Variants in PLEKHG5 observed in about 807,000 individuals in gnomAD.
The protein encoded by PLEKHG5 is pleckstrin homology and RhoGEF domain containing G5.
PLEKHG5 carries 52 observed loss-of-function variants against 103.8 expected under a neutral mutation model. The ratio of observed to expected loss-of-function variants is 0.50; its 90% CI spans 0.40 to 0.63. The LOEUF is 0.63. Among genes scored for constraint, PLEKHG5 ranks in the 30% least tolerant of loss-of-function variants. PLEKHG5 has a pLI of 0.00. For missense variants in PLEKHG5, 1,205 were observed against 1,347.6 expected (o/e 0.89, Z 1.66); for synonymous variants, 592 against 575.5 (o/e 1.03, Z -0.41).
At chr1:6,511,978 C>T (rs967368827) in intron 1 of PLEKHG5, among the ~76,000 whole-genome samples, 2 of 152,228 alleles carry the variant, frequency 1.3e-5, no homozygotes, top group Non-Finnish European at 2.9e-5. Context: ...GCCCCCTTTC[C>T]CTGGCTGTCC....
In PLEKHG5 at chr1:6,473,009, G is replaced by A. The variant is rs761456870; in HGVS notation, c.961C>T (p.Arg321Trp). 7.4e-6 allele frequency: 12 copies of A among 1,613,806 alleles called. No individual in the cohort carries two copies. Among genetic ancestry groups the A allele is most frequent in the Admixed American group, 1.7e-5 (1 of 59,996 alleles). The change falls in exon 9 of 21, where the codon CGG becomes TGG. Residue 321 changes from arginine to tryptophan, a missense_variant. Physicochemically the swap from Arg to Trp is moderately radical, Grantham distance 101. Coordinates refer to ENST00000377728, the MANE Select transcript of PLEKHG5 (RefSeq NM_020631.6). ...NACLRLEDSWRELIDGHEKLT... is the reference protein window; with the variant it reads ...NACLRLEDSWWELIDGHEKLT... Reference sequence around the variant, plus strand: ...ACCTCATGCCCATCAATGAGCTCCCGCCAGCTGTCCTCCAGCCTCAGGCAG... The same window carrying A: ...ACCTCATGCCCATCAATGAGCTCCCACCAGCTGTCCTCCAGCCTCAGGCAG...
chr1:6,474,609 T>A (rs768296648), intron 5 of PLEKHG5, 22 bp from the exon 6 acceptor site: 2 of 1,612,640 alleles, frequency 1.2e-6, no homozygotes, highest in East Asian at 4.5e-5. Context: ...ACAGGAGGCA[T>A]GTGTGTTAGA....
chr1:6,495,943 C>A (rs1189919317), upstream of PLEKHG5, among the ~76,000 whole-genome samples: 1 of 152,220 alleles, frequency 6.6e-6, no homozygotes, highest in Non-Finnish European at 1.5e-5. Context: ...CCTTCCTGCC[C>A]CCTTTATCCC....
rs746862312 is a variant in PLEKHG5 at position 6,472,999 on chromosome 1, A to G, written c.971T>C (p.Ile324Thr). The stretch of plus-strand genomic sequence containing the variant: ...GCCCGCACTCACCTCATGCCCATCA[A>G]TGAGCTCCCGCCAGCTGTCCTCCAG... The part of the protein sequence containing the change: ...LRLEDSWREL[I>T]DGHEKLTRRQ... The change falls in exon 9 of 21, where the codon ATT becomes ACT. Residue 324 changes from isoleucine to threonine, a missense_variant. Transcript: ENST00000377728. 8.1e-5 allele frequency: 130 copies of G among 1,613,852 alleles called. 1 individual carries two copies. Among genetic ancestry groups the G allele is most frequent in the Admixed American group, 3.8e-4 (23 of 60,006 alleles).
chr1:6,496,874 T>A (rs1307172772), upstream of PLEKHG5: 1 of 1,184,150 alleles, frequency 8.4e-7, no homozygotes, highest in Non-Finnish European at 1.1e-6. Flanking sequence ...TCAGTGACCT[T>A]TTGGGGCCCC....
At chr1:6,485,312 C>G (rs1021118691) in intron 1 of PLEKHG5, 1 of 1,399,866 alleles carries the variant, frequency 7.1e-7, no homozygotes, top group African/African-American at 1.5e-5. Context: ...CCGCCCCGTC[C>G]CGGCCCCGTA....
intron 1 of PLEKHG5, among the ~76,000 whole-genome samples, chr1:6,512,607 G>A (rs557711656): frequency 2.2e-4 from 33 of 152,310 alleles, no homozygotes; most frequent in African/African-American, 7.5e-4. Context: ...CTGCAGCCTG[G>A]GGCGGGCCGA....
rs1179926577 is a variant in PLEKHG5, at chr1:6,474,184, G to A, written c.440-20C>T. On this transcript the variant is annotated intron_variant, in intron 6 of 20. Coordinates refer to ENST00000377728, the MANE Select transcript of PLEKHG5 (RefSeq NM_020631.6). ...CTGGGGCTGCATGTGGGGGCCACGA[G>A]AGATCCTCAGTACCCTGGTCTGGTG... 6.2e-7 allele frequency: 1 copy of A among 1,612,722 alleles called. No homozygotes were observed. Among genetic ancestry groups the A allele is most frequent in the Non-Finnish European group, 8.5e-7 (1 of 1,179,800 alleles).
chr1:6,499,884 C>T (rs12567216), upstream of PLEKHG5, among the ~76,000 whole-genome samples: 17 of 152,270 alleles, frequency 1.1e-4, no homozygotes, highest in East Asian at 5.8e-4. Context: ...ACTGCAGCCT[C>T]GACCTCCTGG....
At chr1:6,479,628 T>G (rs1644852960) in intron 1 of PLEKHG5, among the ~76,000 whole-genome samples, 1 of 151,520 alleles carries the variant, frequency 6.6e-6, no homozygotes, top group South Asian at 2.1e-4. Flanking sequence ...TTTTTTTTTC[T>G]TCAAGACAGG....
rs1644466085 is a variant in PLEKHG5, at chr1:6,468,527, AGC to A, written c.2307_2308del (p.Leu770ValfsTer15). On this transcript the variant is annotated frameshift_variant, in exon 20 of 21. Coordinates refer to ENST00000377728, the MANE Select transcript of PLEKHG5 (RefSeq NM_020631.6). LOFTEE classifies it high-confidence loss of function. The stretch of plus-strand genomic sequence containing the variant: ...ACCGCTGTCGAACTCGGGGGAGGAC[AGC>A]GTGTCCCCAGGCTCTACCACAACCA... 8.1e-6 allele frequency: 13 copies of A among 1,612,752 alleles called. No homozygotes were observed. The highest frequency in any genetic ancestry group is 1.1e-5 in the Non-Finnish European group (13 of 1,179,846).
At chr1:6,496,504 G>T (rs373594469), upstream of PLEKHG5, 21 of 1,602,740 alleles carry the variant, frequency 1.3e-5, no homozygotes, top group Middle Eastern at 2.2e-4. Flanking sequence ...TTGGCCGCCC[G>T]CCCCTTGTCC....
intron 1 of PLEKHG5, among the ~76,000 whole-genome samples, chr1:6,482,181 C>T (rs574093347): frequency 2.6e-4 from 40 of 152,272 alleles, no homozygotes; most frequent in East Asian, 9.7e-4. Flanking sequence ...CCTCCTCATT[C>T]GCCCTCCACG....
intron 1 of PLEKHG5, among the ~76,000 whole-genome samples, chr1:6,489,448 C>A (rs1645104229): frequency 6.6e-6 from 1 of 152,210 alleles, no homozygotes; most frequent in African/African-American, 2.4e-5. Flanking sequence ...ACCGCACGGG[C>A]CCTGGAAGCC....
chr1:6,468,985 CCTGGGCTAGAGTA>C, intron 19 of PLEKHG5, 44 bp downstream of exon 19: 1 of 1,438,682 alleles, frequency 7.0e-7, no homozygotes, highest in Non-Finnish European at 9.8e-7. Context: ...CTTCAGGAGT[CCTGGGCTAGAGTA>C]CTTGTCCTGG....
intron 3 of PLEKHG5, 117 bp from the exon 4 acceptor site, chr1:6,475,639 C>T (rs1644745831): frequency 4.4e-6 from 4 of 918,564 alleles, no homozygotes; most frequent in South Asian, 2.6e-5. Flanking sequence ...AGGTAACCCG[C>T]GTGGATTCAA....
At chr1:6,515,064 AT>A (rs1259953324) in intron 1 of PLEKHG5, among the ~76,000 whole-genome samples, 7 of 152,200 alleles carry the variant, frequency 4.6e-5, no homozygotes, top group Non-Finnish European at 7.3e-5. Context: ...AAATAAAAAA[AT>A]AAAATAAAAA....
chr1:6,488,997 G>A (rs1645093147), intron 1 of PLEKHG5, among the ~76,000 whole-genome samples: 1 of 152,102 alleles, frequency 6.6e-6, no homozygotes, highest in East Asian at 1.9e-4. Flanking sequence ...AACGAGCTGG[G>A]GCCCCAGCCT....
rs1290269177 is a variant in PLEKHG5, at chr1:6,473,380, C to G, written c.666G>C (p.Thr222=). ...CGCTGGGCAGAGAGCAGCTGGAGGG[C>G]GTGGGGGGCTCCTGCCCGGGGATGC... ...EASIPGQEPP[T]PSSCSLPSGS... The change falls in exon 8 of 21, where the codon ACG becomes ACC. Residue 222 remains threonine, a synonymous_variant. Coordinates refer to ENST00000377728, the MANE Select transcript of PLEKHG5 (RefSeq NM_020631.6). The G allele has an allele frequency of 2.6e-6, 4 of 1,547,814 alleles. No individual in the cohort carries two copies. Among genetic ancestry groups the G allele is most frequent in the Admixed American group, 3.9e-5 (2 of 50,932 alleles).
Sources: gnomAD v4.1 joint callset for allele counts (sites outside exome capture counted in the v4.1 genomes callset) on GRCh38, gnomAD v4.1.1 for gene constraint, MANE v1.5 for transcripts, NCBI Gene and HGNC (gene_info 2026-07-23, HGNC 2026-07-21) for gene names.